The following SUN5 variants were observed in gnomAD, a reference collection of about 807,000 sequenced individuals.
SUN5 encodes SUN domain-containing protein 5.
In SUN5, 44 loss-of-function variants were observed where a neutral mutation model predicts 53.7. The observed-to-expected ratio is 0.82, with a 90% CI of 0.64 to 1.05. The LOEUF (loss-of-function observed/expected upper bound fraction) is 1.05. SUN5 is among the 50% of genes least tolerant of loss of function. The pLI is 0.00. For synonymous variants in SUN5, 166 were observed against 179.8 expected (o/e 0.92, Z 0.62); for missense variants, 433 against 483.8 (o/e 0.90, Z 0.98).
chr20:33,001,080 T>TA, intron 4 of SUN5, 132 bp downstream of exon 4: 1 of 1,051,800 alleles, frequency 9.5e-7, no homozygotes, highest in Non-Finnish European at 1.4e-6. Flanking sequence ...GAGTGTTTGA[T>TA]AAAAGCCAGG....
intron 12 of SUN5, among the ~76,000 whole-genome samples, chr20:32,984,232 A>C (rs1360905705): frequency 1.3e-5 from 2 of 151,526 alleles, no homozygotes; most frequent in Non-Finnish European, 2.9e-5. Flanking sequence ...TCAGTCTCCC[A>C]CTCCTGCCCT....
At chr20:32,999,466 G>A (rs112951472) in intron 5 of SUN5, among the ~76,000 whole-genome samples, 30,029 of 151,946 alleles carry the variant, frequency 0.2, 3,836 homozygotes, top group Non-Finnish European at 0.28. Flanking sequence ...GGTGGCGCGC[G>A]CCTGTAGTCC....
chr20:32,995,473 T>A, intron 8 of SUN5, 146 bp downstream of exon 8: 1 of 659,862 alleles, frequency 1.5e-6, no homozygotes, highest in South Asian at 1.9e-5. Context: ...AAAAATATAC[T>A]TCTTTCACTG....
intron 8 of SUN5, among the ~76,000 whole-genome samples, chr20:32,992,137 T>C (rs1989726376): frequency 6.6e-6 from 1 of 152,136 alleles, no homozygotes; most frequent in African/African-American, 2.4e-5. Flanking sequence ...ACAGCAGCAA[T>C]ATTCTGGAAG....
At chr20:33,003,654 T>A (rs1241981329) in intron 1 of SUN5, among the ~76,000 whole-genome samples, 1 of 152,232 alleles carries the variant, frequency 6.6e-6, no homozygotes, top group South Asian at 2.1e-4. Flanking sequence ...TATATTGGTT[T>A]ATTAATAAAT....
At chr20:32,995,481 C>A in intron 8 of SUN5, 138 bp downstream of exon 8, 2 of 678,778 alleles carry the variant, frequency 2.9e-6, no homozygotes, top group Non-Finnish European at 5.1e-6. Flanking sequence ...ACTTCTTTCA[C>A]TGTATTCCTG....
rs142319289 is a variant in SUN5 at position 32,987,672 on chromosome 20, G to C, written c.717C>G (p.Asp239Glu). 2 of 1,609,326 alleles carry C rather than the reference G, an allele frequency of 1.2e-6. No homozygotes were observed. The stretch of plus-strand genomic sequence containing the variant: ...CCATCCCCCCTGCCTCAAGGATCAC[G>C]TCTGGGGGCTGTGCGTAGTTCCACA... ...IQLWNYAQPP[D>E]VILEPNVTPG... The change falls in exon 10 of 13, where the codon GAC becomes GAG. Residue 239 changes from aspartate to glutamate, a missense_variant. By Grantham distance (45) the Asp-to-Glu change is conservative. Coordinates refer to ENST00000356173, the MANE Select transcript of SUN5 (RefSeq NM_080675.4).
rs1179199716 is a variant in SUN5 at position 32,985,150 on chromosome 20, C to A, written c.933G>T (p.Leu311=). The change falls in exon 12 of 13, where the codon CTG becomes CTT. Residue 311 remains leucine, a synonymous_variant. Transcript: ENST00000356173. ...TTTCTGGCTGAAACTGAAATGCCCC[C>A]AGGAACACCTCCTCCTTGGGGGAGC... is the stretch of plus-strand genomic sequence containing the variant. ...MEGSPKEEVF[L]GAFQFQPENI... The A allele has an allele frequency of 2.5e-6, 4 of 1,613,964 alleles. No homozygotes were observed. In the Admixed American group the frequency reaches 6.7e-5, roughly 27 times the overall value.
chr20:32,985,286 G>C, intron 11 of SUN5, 101 bp from the exon 12 acceptor site: 4 of 1,030,876 alleles, frequency 3.9e-6, no homozygotes, highest in Non-Finnish European at 5.9e-6. Context: ...CAGGATGGGA[G>C]CTCACTACCT....
At chr20:33,001,416 G>C (rs1990006174) in intron 3 of SUN5, 138 bp from the exon 4 acceptor site, 1 of 922,334 alleles carries the variant, frequency 1.1e-6, no homozygotes, top group African/African-American at 1.6e-5. Flanking sequence ...GCCTGGGACA[G>C]AACCAGGCTC....
At chr20:33,000,210 C>T in intron 4 of SUN5, 75 bp from the exon 5 acceptor site, 3 of 1,498,834 alleles carry the variant, frequency 2.0e-6, no homozygotes, top group Non-Finnish European at 8.9e-7. Context: ...CCTCGTCACT[C>T]TCTTTCTCCG....
intron 4 of SUN5, among the ~76,000 whole-genome samples, chr20:33,000,594 T>C (rs888416426): frequency 2.6e-5 from 4 of 152,130 alleles, no homozygotes; most frequent in African/African-American, 9.7e-5. Flanking sequence ...GGCTCATGCC[T>C]GTAATCCCAG....
intron 12 of SUN5, 28 bp from the exon 13 acceptor site, chr20:32,983,977 C>G (rs780996051): frequency 6.5e-7 from 1 of 1,529,048 alleles, no homozygotes; most frequent in Admixed American, 1.9e-5. Context: ...ACAGAGGCAG[C>G]TCACCCATAG....
Position 32,995,695 on chromosome 20 carries a change from C to G in SUN5, c.458G>C (p.Gly153Ala). ...GCTACCTCGGAGGTCCTGGATTTCC[C>G]CACTGTGATGTCGCACCTTCTCCTG... ...LYQEKVRHHS[G>A]EIQDLRGSMN... Residue 153 changes from glycine to alanine, a missense_variant, in exon 8 of 13, where the codon GGG becomes GCG. By Grantham distance (60) the Gly-to-Ala change is moderately conservative. Transcript: ENST00000356173. 1.2e-6 allele frequency: 2 copies of G among 1,614,094 alleles called. No individual in the cohort carries two copies. The highest frequency in any genetic ancestry group is 1.7e-6 in the Non-Finnish European group (2 of 1,180,018).
chr20:32,987,705 C>G lies in SUN5; in HGVS notation c.684G>C (p.Trp228Cys). 2 of 1,613,410 alleles carry G rather than the reference C, an allele frequency of 1.2e-6. No homozygotes were observed. The highest frequency in any genetic ancestry group is 1.7e-6 in the Non-Finnish European group (2 of 1,179,840). ...GCTGTGCGTAGTTCCACAGCTGGAT[C>G]CAGTTCCAGTAGGAGTGGGCCTTCT... ...NHEKAHSYWN[W>C]IQLWNYAQPP... The change falls in exon 10 of 13, where the codon TGG becomes TGC. Residue 228 changes from tryptophan (W) to cysteine (C), a missense_variant. Coordinates refer to ENST00000356173, the MANE Select transcript of SUN5 (RefSeq NM_080675.4).
chr20:33,001,528 T>TTCTTTCTTTCTTTCTTTCTTTC (rs1990019427), intron 3 of SUN5, among the ~76,000 whole-genome samples: 1 of 131,686 alleles, frequency 7.6e-6, no homozygotes, highest in South Asian at 2.3e-4. Flanking sequence ...TCTTCTTTCT[T>TTCTTTCTTTCTTTCTTTCTTTC]TCTTTCTTTC....
Position 32,991,262 on chromosome 20 carries a change from G to A in SUN5, c.535-1564C>T, listed in dbSNP as rs1989705123. On this transcript the variant is annotated intron_variant, in intron 8 of 12. Coordinates refer to ENST00000356173, the MANE Select transcript of SUN5 (RefSeq NM_080675.4). ...CCCGATCCTGGATCCCCAGCACGCA[G>A]TAGGCACTTAATGATTGCACATTGA... Among the ~76,000 whole-genome samples, 3 of 152,224 alleles carry A rather than the reference G, an allele frequency of 2.0e-5. No homozygotes were observed. The South Asian group carries it at 6.2e-4, about 31-fold the overall frequency.
At chr20:32,992,985 A>G (rs1235636128) in intron 8 of SUN5, among the ~76,000 whole-genome samples, 2 of 152,222 alleles carry the variant, frequency 1.3e-5, no homozygotes, top group South Asian at 2.1e-4. Context: ...ATTTGGCAGC[A>G]TCTAATAACA....
At position 33,000,148 on chromosome 20, in the gene SUN5, G is replaced by T; in HGVS notation, c.279-13C>A. 6.3e-7 allele frequency: 1 copy of T among 1,596,844 alleles called. No individual in the cohort carries two copies. Among genetic ancestry groups the T allele is most frequent in the South Asian group, 1.1e-5 (1 of 87,086 alleles). Reference sequence around the variant, plus strand: ...CAGCAGCTTGCATCTGGAAGGCAGGGAGTGGTGGTCAAGATCAGGTGGGCA... The same window carrying T: ...CAGCAGCTTGCATCTGGAAGGCAGGTAGTGGTGGTCAAGATCAGGTGGGCA... On this transcript the variant is annotated splice_polypyrimidine_tract_variant and intron_variant, in intron 4 of 12. Coordinates refer to ENST00000356173, the MANE Select transcript of SUN5 (RefSeq NM_080675.4).
Sources: allele counts gnomAD v4.1 joint callset (sites outside exome capture counted in the v4.1 genomes callset), GRCh38; gene constraint gnomAD v4.1.1; transcripts MANE v1.5; gene names NCBI Gene and HGNC (gene_info 2026-07-23, HGNC 2026-07-21).